AGAP1: variants seen among roughly 807,000 people sequenced by gnomAD.
AGAP1 encodes the protein arf-GAP with GTPase, ANK repeat and PH domain-containing protein 1.
Under a neutral mutation model 105.3 loss-of-function variants are expected in AGAP1, and 29 were observed. The observed-to-expected ratio is 0.28, with a 90% CI of 0.21 to 0.38. The LOEUF (loss-of-function observed/expected upper bound fraction) is 0.38, where lower values mean the gene tolerates loss of function less well. Among genes scored for constraint, AGAP1 ranks in the 10% least tolerant of loss-of-function variants. The pLI is 1.00. For missense variants in AGAP1, 998 were observed against 1,165.1 expected, an observed-to-expected ratio of 0.86 and a Z score of 2.09; for synonymous variants, 509 against 485.9, an observed-to-expected ratio of 1.05 and a Z score of -0.63.
intron 16 of AGAP1, among the ~76,000 whole-genome samples, chr2:236,093,104 G>C (rs2059105774): frequency 6.6e-6 from 1 of 152,254 alleles, no homozygotes; most frequent in African/African-American, 2.4e-5. Context: ...CCAGTAAACA[G>C]AGAGGATGAG....
At chr2:235,607,995 G>A (rs1161016066) in intron 1 of AGAP1, among the ~76,000 whole-genome samples, 5 of 152,202 alleles carry the variant, frequency 3.3e-5, no homozygotes, top group African/African-American at 4.8e-5. Flanking sequence ...TCAAGTGAGC[G>A]AGTGCCTGCT....
chr2:235,715,427 G>A (rs1951054108), intron 2 of AGAP1, among the ~76,000 whole-genome samples: 1 of 152,156 alleles, frequency 6.6e-6, no homozygotes, highest in Non-Finnish European at 1.5e-5. Flanking sequence ...GGAAAGCAGG[G>A]AAGCTTTCCC....
intron 12 of AGAP1, among the ~76,000 whole-genome samples, chr2:235,935,885 A>T (rs1352618281): frequency 6.6e-6 from 1 of 152,086 alleles, no homozygotes; most frequent in Non-Finnish European, 1.5e-5. Context: ...TTACTTCAAG[A>T]CAAGATGCAC....
intron 1 of AGAP1, among the ~76,000 whole-genome samples, chr2:235,499,460 A>G (rs188151710): frequency 2.6e-5 from 4 of 152,326 alleles, no homozygotes; most frequent in African/African-American, 9.6e-5. Context: ...GGCCATGTTC[A>G]TAATCCTTCA....
chr2:235,890,820 G>T (rs147068231), intron 10 of AGAP1, among the ~76,000 whole-genome samples: 1 of 151,908 alleles, frequency 6.6e-6, no homozygotes, highest in South Asian at 2.1e-4. Flanking sequence ...TCTGAAGAAT[G>T]TGAGCTCTAA....
intron 1 of AGAP1, among the ~76,000 whole-genome samples, chr2:235,616,353 C>G (rs1417735073): frequency 6.7e-6 from 1 of 150,004 alleles, no homozygotes; most frequent in Non-Finnish European, 1.5e-5. Flanking sequence ...GAGTGAGACT[C>G]CATCTCAAAA....
intron 1 of AGAP1, among the ~76,000 whole-genome samples, chr2:235,516,111 G>A (rs1287487419): frequency 7.5e-6 from 1 of 133,010 alleles, no homozygotes; most frequent in Non-Finnish European, 1.6e-5. Context: ...CAGTTCCCAT[G>A]GACTCTCCCT....
In AGAP1 at chr2:236,036,146, T is replaced by C. The variant is rs988852780; in HGVS notation, c.1646-415T>C. 6.6e-6 allele frequency among the ~76,000 whole-genome samples: 1 copy of C among 152,068 alleles called. No individual in the cohort carries two copies. Among genetic ancestry groups the C allele is most frequent in the African/African-American group, 2.4e-5 (1 of 41,418 alleles). On this transcript the variant is annotated intron_variant, in intron 13 of 17. Transcript: ENST00000304032. The surrounding 1 kb of genome is among the most constrained non-coding windows in gnomAD (Gnocchi z 5.7). ...CGTTCCTCTATCCATGGAGTGTCTG[T>C]GGATCTACGCGAGTGCTTAGATAGA...
intron 1 of AGAP1, among the ~76,000 whole-genome samples, chr2:235,573,436 G>A (rs899633112): frequency 6.6e-6 from 1 of 152,088 alleles, no homozygotes; most frequent in African/African-American, 2.4e-5. Context: ...GTTTTTTAAA[G>A]CAGCTTGTTT....
At position 236,009,491 on chromosome 2, in the gene AGAP1, C is replaced by T. The variant is rs891168378; in HGVS notation, c.1646-27070C>T. 3.3e-5 allele frequency among the ~76,000 whole-genome samples: 5 copies of T among 152,144 alleles called. No individual in the cohort carries two copies. The highest frequency in any genetic ancestry group is 3.8e-4 in the East Asian group (2 of 5,200). On this transcript the variant is annotated intron_variant, in intron 13 of 17. Transcript: ENST00000304032. The surrounding 1 kb of genome is among the most constrained non-coding windows in gnomAD (Gnocchi z 4.2). ...GCAACAGTGACATTTATACTGATGG[C>T]GTCTTTTTAAATAAATTAATACATG... is the stretch of plus-strand genomic sequence containing the variant.
chr2:236,074,928 G>A (rs755260059), intron 16 of AGAP1, among the ~76,000 whole-genome samples: 2 of 152,098 alleles, frequency 1.3e-5, no homozygotes, highest in African/African-American at 2.4e-5. Flanking sequence ...GGTTGCACGC[G>A]TGTAGTCCTA....
At chr2:235,800,955 C>T (rs1190487944) in intron 8 of AGAP1, among the ~76,000 whole-genome samples, 1 of 152,220 alleles carries the variant, frequency 6.6e-6, no homozygotes, top group Non-Finnish European at 1.5e-5. Flanking sequence ...AGATTTGCTG[C>T]CCCTTTGTGA....
intron 9 of AGAP1, among the ~76,000 whole-genome samples, chr2:235,826,633 A>G (rs1234422347): frequency 1.3e-5 from 2 of 152,110 alleles, no homozygotes; most frequent in African/African-American, 4.8e-5. Flanking sequence ...TATTTTTAGT[A>G]GAGACGGGGT....
At chr2:235,628,031 G>GC (rs919957842) in intron 1 of AGAP1, among the ~76,000 whole-genome samples, 11 of 152,228 alleles carry the variant, frequency 7.2e-5, no homozygotes, top group African/African-American at 2.4e-4. Flanking sequence ...GAGGGTCTGA[G>GC]CCCCCCATGC....
intron 1 of AGAP1, among the ~76,000 whole-genome samples, chr2:235,657,931 CAG>C (rs1031371396): frequency 2.8e-4 from 43 of 152,150 alleles, no homozygotes; most frequent in African/African-American, 8.4e-4. Flanking sequence ...TGTGAGGACA[CAG>C]GGGGAAGACG....
chr2:235,643,412 C>A (rs1575026983), intron 1 of AGAP1, among the ~76,000 whole-genome samples: 1 of 86,758 alleles, frequency 1.2e-5, no homozygotes, highest in Non-Finnish European at 2.0e-5. Flanking sequence ...GCCTGGGCAA[C>A]AAGAGAGAGA....
In AGAP1 at chr2:236,042,836, G is replaced by T. The variant is rs1442160151; in HGVS notation, c.1891+1995G>T. Among the ~76,000 whole-genome samples, 1 of 152,182 alleles carries T rather than the reference G, an allele frequency of 6.6e-6. No homozygotes were observed. The highest frequency in any genetic ancestry group is 1.9e-4 in the East Asian group (1 of 5,182). On this transcript the variant is annotated intron_variant, in intron 15 of 17. Coordinates refer to ENST00000304032, the MANE Select transcript of AGAP1 (RefSeq NM_001037131.3). The surrounding 1 kb of genome is among the most constrained non-coding windows in gnomAD (Gnocchi z 5.6). ...GTTTGACAATTCAGGAGAAAGAGGC[G>T]ATACCAAGCACGCATTTGCTAAATG...
intron 1 of AGAP1, among the ~76,000 whole-genome samples, chr2:235,672,574 G>T (rs1329963111): frequency 6.6e-6 from 1 of 152,228 alleles, no homozygotes; most frequent in East Asian, 1.9e-4. Context: ...TTTGTTAAAA[G>T]AATTGGTTTG....
rs2050329383 is a variant in AGAP1, at chr2:235,887,579, A to G, written c.1155+4130A>G. On this transcript the variant is annotated intron_variant, in intron 10 of 17. Coordinates refer to ENST00000304032, the MANE Select transcript of AGAP1 (RefSeq NM_001037131.3). This position sits in a 1 kb window ranked among gnomAD's most constrained non-coding sequence, Gnocchi z 4.1. ...TTTCTCTCAAAGGCAGATGGGGCCC[A>G]GGTTCCAACACAAGAGCCCCCGGAG... Among the ~76,000 whole-genome samples, 2 of 152,230 alleles carry G rather than the reference A, an allele frequency of 1.3e-5. No individual in the cohort carries two copies. The highest frequency in any genetic ancestry group is 4.8e-5 in the African/African-American group (2 of 41,460).
Sources: allele counts gnomAD v4.1 joint callset (sites outside exome capture counted in the v4.1 genomes callset), GRCh38; gene constraint gnomAD v4.1.1; non-coding constraint Gnocchi (gnomAD v3.1); transcripts MANE v1.5; gene names NCBI Gene and HGNC (gene_info 2026-07-23, HGNC 2026-07-21).